The following EGFLAM variants were observed in gnomAD, a reference collection of about 807,000 sequenced individuals.
EGFLAM encodes the protein pikachurin.
Under a neutral mutation model 113.1 loss-of-function variants are expected in EGFLAM, and 79 were observed. The observed-to-expected ratio is 0.70, with a 90% CI of 0.58 to 0.84. EGFLAM has a LOEUF of 0.84. EGFLAM is among the 40% of genes least tolerant of loss of function. The probability of loss-of-function intolerance (pLI) is 0.00; values close to 1 mark genes in which losing one functional copy is unlikely to be tolerated. For synonymous variants in EGFLAM, 504 were observed against 487.6 expected (o/e 1.03, Z -0.44); for missense variants, 1,265 against 1,291.6 (o/e 0.98, Z 0.32).
At chr5:38,333,545 A>G (rs1006909864) in intron 1 of EGFLAM, among the ~76,000 whole-genome samples, 3 of 152,072 alleles carry the variant, frequency 2.0e-5, no homozygotes, top group African/African-American at 7.2e-5. Flanking sequence ...CATTTTTCTA[A>G]TGATCAGTGA....
At chr5:38,290,837 T>TGA (rs1758308934) in intron 1 of EGFLAM, 1 of 152,412 alleles carries the variant, frequency 6.6e-6, no homozygotes, top group Non-Finnish European at 1.5e-5. Context: ...ATCCCAGCAC[T>TGA]TTGGGAGGCC....
At chr5:38,454,022 T>C (rs1743005367) in intron 19 of EGFLAM, among the ~76,000 whole-genome samples, 1 of 152,150 alleles carries the variant, frequency 6.6e-6, no homozygotes, top group African/African-American at 2.4e-5. Flanking sequence ...AATCCTGGAG[T>C]TCTGATTGTG....
chr5:38,262,687 G>A (rs1327495352), intron 1 of EGFLAM, among the ~76,000 whole-genome samples: 12 of 152,310 alleles, frequency 7.9e-5, no homozygotes, highest in East Asian at 3.9e-4. Flanking sequence ...GTAGTGGTGC[G>A]TTGGATGGAC....
rs571539403 is a variant in EGFLAM, at chr5:38,315,054, C to T, written c.98-22466C>T. ...TAATAGCAGGAGGCTAGTCAAAATA[C>T]TTAACAGTTGGTATAACATGAGCAT... On this transcript the variant is annotated intron_variant, in intron 1 of 21. Coordinates refer to ENST00000322350, the MANE Select transcript of EGFLAM (RefSeq NM_152403.4). 3.9e-5 allele frequency among the ~76,000 whole-genome samples: 6 copies of T among 152,292 alleles called. No homozygotes were observed. In the East Asian group the frequency reaches 1.2e-3, roughly 29 times the overall value.
intron 6 of EGFLAM, among the ~76,000 whole-genome samples, chr5:38,391,432 C>T (rs1740808899): frequency 6.7e-6 from 1 of 148,262 alleles, no homozygotes; most frequent in Non-Finnish European, 1.5e-5. Flanking sequence ...GAGTCTCACT[C>T]TGTCACCCAG....
chr5:38,382,141 TA>T (rs1740525924), intron 6 of EGFLAM, among the ~76,000 whole-genome samples: 1 of 152,198 alleles, frequency 6.6e-6, no homozygotes. Context: ...TAAAAAATAT[TA>T]AAAGGTCAAA....
chr5:38,349,773 G>GCGCACACACACA (rs1554049180), intron 3 of EGFLAM, among the ~76,000 whole-genome samples: 299 of 131,032 alleles, frequency 2.3e-3, no homozygotes, highest in East Asian at 8.4e-3. Flanking sequence ...AAGTACACAC[G>GCGCACACACACA]CACACACACA....
chr5:38,315,466 T>A (rs1466342418), intron 1 of EGFLAM, among the ~76,000 whole-genome samples: 1 of 152,198 alleles, frequency 6.6e-6, no homozygotes, highest in East Asian at 1.9e-4. Context: ...TAAGTGCATT[T>A]TGTGTTTAAA....
rs780413805 is a variant in EGFLAM, at chr5:38,448,425, T to A, written c.2543+46T>A. ...CCTTCCTCAGCTTTCTGGGGGTAAA[T>A]TTCTCTATATCTTTCTCAGGGCTTT... On this transcript the variant is annotated intron_variant, in intron 18 of 21. Coordinates refer to ENST00000322350, the MANE Select transcript of EGFLAM (RefSeq NM_152403.4). 2.5e-6 allele frequency: 4 copies of A among 1,580,436 alleles called. No individual in the cohort carries two copies. The African/African-American group carries it at 5.4e-5, about 21-fold the overall frequency.
chr5:38,335,736 C>T (rs1056591610), intron 1 of EGFLAM, among the ~76,000 whole-genome samples: 2 of 152,154 alleles, frequency 1.3e-5, no homozygotes, highest in African/African-American at 4.8e-5. Context: ...TTCCTGCTGA[C>T]AGCACTGGGC....
At chr5:38,380,281 T>C (rs1740475570) in intron 6 of EGFLAM, among the ~76,000 whole-genome samples, 1 of 152,216 alleles carries the variant, frequency 6.6e-6, no homozygotes, top group South Asian at 2.1e-4. Context: ...TAGATAGCAA[T>C]TTTGTCAAGC....
intron 1 of EGFLAM, among the ~76,000 whole-genome samples, chr5:38,282,777 T>G (rs1486733980): frequency 1.3e-5 from 2 of 152,214 alleles, no homozygotes; most frequent in African/African-American, 4.8e-5. Flanking sequence ...AGGCAAAATA[T>G]ATTAGGAAAC....
At chr5:38,265,680 A>G (rs552125103) in intron 1 of EGFLAM, among the ~76,000 whole-genome samples, 2 of 152,320 alleles carry the variant, frequency 1.3e-5, no homozygotes, top group Admixed American at 6.5e-5. Context: ...GCTTCCTTGC[A>G]GAACCCCTCA....
At chr5:38,446,855 TTA>T (rs1407056163) in intron 17 of EGFLAM, among the ~76,000 whole-genome samples, 1 of 150,020 alleles carries the variant, frequency 6.7e-6, no homozygotes, top group Non-Finnish European at 1.5e-5. Context: ...CGCTCTTTTT[TTA>T]TGTTTGAAGG....
At chr5:38,300,670 C>T (rs1047825875) in intron 1 of EGFLAM, among the ~76,000 whole-genome samples, 6 of 152,116 alleles carry the variant, frequency 3.9e-5, no homozygotes, top group South Asian at 4.1e-4. Flanking sequence ...CCATCGCGCC[C>T]GGCCATATTT....
At chr5:38,424,893 T>C in intron 12 of EGFLAM, 74 bp from the exon 13 acceptor site, 1 of 1,565,210 alleles carries the variant, frequency 6.4e-7, no homozygotes, top group South Asian at 1.2e-5. Context: ...CATGAGCTGC[T>C]GGTGGGGTCA....
chr5:38,366,696 A>T (rs1740070431), intron 5 of EGFLAM, among the ~76,000 whole-genome samples: 1 of 152,236 alleles, frequency 6.6e-6, no homozygotes, highest in Non-Finnish European at 1.5e-5. Context: ...AGGTAGAATG[A>T]GAGACTGGAT....
At chr5:38,448,722 G>A (rs1742807357) in intron 18 of EGFLAM, among the ~76,000 whole-genome samples, 1 of 152,298 alleles carries the variant, frequency 6.6e-6, no homozygotes, top group Non-Finnish European at 1.5e-5. Flanking sequence ...TGTTCCTGAA[G>A]CCTGAGTGAT....
chr5:38,294,406 C>T (rs189526578), intron 1 of EGFLAM, among the ~76,000 whole-genome samples: 2 of 152,232 alleles, frequency 1.3e-5, no homozygotes, highest in Admixed American at 6.5e-5. Flanking sequence ...ATAATATGGC[C>T]ATCCCCAGTG....
Sources: gnomAD v4.1 joint callset for allele counts (sites outside exome capture counted in the v4.1 genomes callset) on GRCh38, gnomAD v4.1.1 for gene constraint, MANE v1.5 for transcripts, NCBI Gene and HGNC (gene_info 2026-07-23, HGNC 2026-07-21) for gene names.